OR2L13: variants seen among roughly 807,000 people sequenced by gnomAD.
OR2L13 encodes the protein olfactory receptor 2L13.
In OR2L13, 14 loss-of-function variants were observed where a neutral mutation model predicts 15.3. The observed-to-expected ratio is 0.91, with a 90% CI of 0.60 to 1.43. The LOEUF (loss-of-function observed/expected upper bound fraction) is 1.43. OR2L13 is among the 40% of genes most tolerant of loss of function. The pLI is 0.00. For synonymous variants in OR2L13, 152 were observed against 142.9 expected (o/e 1.06, Z -0.45); for missense variants, 367 against 387.9 (o/e 0.95, Z 0.45).
At chr1:248,092,657 A>C (rs534058404), upstream of OR2L13, among the ~76,000 whole-genome samples, 114 of 152,328 alleles carry the variant, frequency 7.5e-4, no homozygotes, top group African/African-American at 2.6e-3. Flanking sequence ...GGTTAAACCA[A>C]AACTTTATTG....
chr1:248,038,825 A>G, the OR2L13 span: 2 of 1,614,196 alleles, frequency 1.2e-6, no homozygotes, highest in African/African-American at 2.7e-5. Flanking sequence ...TGTTGACGCT[A>G]GCCTGCACAG....
At chr1:248,073,265 G>A in the OR2L13 span, among the ~76,000 whole-genome samples, 1 of 152,132 alleles carries the variant, frequency 6.6e-6, no homozygotes, top group Admixed American at 6.5e-5. Flanking sequence ...AGAAAATGTG[G>A]CACATATACA....
At chr1:247,955,550 T>A in the OR2L13 span, among the ~76,000 whole-genome samples, 1 of 152,204 alleles carries the variant, frequency 6.6e-6, no homozygotes, top group Non-Finnish European at 1.5e-5. Flanking sequence ...GTTGAACTAG[T>A]TTACAGTCCC....
chr1:248,004,916 C>T, the OR2L13 span, among the ~76,000 whole-genome samples: 4 of 152,152 alleles, frequency 2.6e-5, 1 homozygote, highest in South Asian at 4.2e-4. Context: ...GCACCAGGCA[C>T]AGAAAGATTC....
chr1:248,051,962 A>G, the OR2L13 span, among the ~76,000 whole-genome samples: 25,385 of 152,064 alleles, frequency 0.17, 2,424 homozygotes, highest in East Asian at 0.32. Flanking sequence ...ATACCTGGAC[A>G]TATGATGCTT....
the OR2L13 span, among the ~76,000 whole-genome samples, chr1:247,981,174 AAG>A: frequency 6.6e-6 from 1 of 152,168 alleles, no homozygotes; most frequent in African/African-American, 2.4e-5. Flanking sequence ...ATGTTCATGG[AAG>A]AGATGGGGCT....
the OR2L13 span, chr1:248,042,323 G>A: frequency 2.9e-5 from 4 of 138,422 alleles, no homozygotes; most frequent in Admixed American, 2.3e-4. Flanking sequence ...CATGGACACA[G>A]GAAGGGGAAC....
the OR2L13 span, among the ~76,000 whole-genome samples, chr1:248,068,479 A>G: frequency 6.6e-6 from 1 of 152,214 alleles, no homozygotes; most frequent in South Asian, 2.1e-4. Flanking sequence ...AAGGACATCC[A>G]CATCAAAAAC....
the OR2L13 span, among the ~76,000 whole-genome samples, chr1:247,986,594 G>T: frequency 6.6e-6 from 1 of 152,006 alleles, no homozygotes; most frequent in African/African-American, 2.4e-5. Flanking sequence ...TGGCAATGAG[G>T]ACTCTTTTTT....
chr1:247,975,036 A>G, the OR2L13 span: 1 of 323,770 alleles, frequency 3.1e-6, no homozygotes, highest in Non-Finnish European at 6.2e-6. Context: ...TGTGGAATTC[A>G]GAGTTTCTTC....
chr1:248,044,828 A>AC, the OR2L13 span, among the ~76,000 whole-genome samples: 3 of 148,412 alleles, frequency 2.0e-5, no homozygotes, highest in East Asian at 2.0e-4. Context: ...AAAAAAAAAA[A>AC]AAAAAAAAAA....
chr1:248,001,728 A>G, the OR2L13 span, among the ~76,000 whole-genome samples: 1 of 152,016 alleles, frequency 6.6e-6, no homozygotes, highest in Admixed American at 6.6e-5. Flanking sequence ...AATATTATAT[A>G]ATAGGACATT....
At chr1:248,081,707 C>T in the OR2L13 span, among the ~76,000 whole-genome samples, 18 of 152,246 alleles carry the variant, frequency 1.2e-4, no homozygotes, top group South Asian at 1.7e-3. Context: ...AACTTTTAGT[C>T]TTAAACAAAT....
chr1:247,981,854 C>A, the OR2L13 span, among the ~76,000 whole-genome samples: 2 of 150,396 alleles, frequency 1.3e-5, no homozygotes, highest in Admixed American at 6.6e-5. Flanking sequence ...CTCGCTCTGT[C>A]GCCCAGGCTG....
chr1:247,994,338 A>G, the OR2L13 span, among the ~76,000 whole-genome samples: 2 of 152,192 alleles, frequency 1.3e-5, no homozygotes, highest in African/African-American at 2.4e-5. Flanking sequence ...CGGAGCTTGC[A>G]GTGAGCTGAT....
chr1:247,994,905 G>A, the OR2L13 span, among the ~76,000 whole-genome samples: 1 of 152,086 alleles, frequency 6.6e-6, no homozygotes, highest in African/African-American at 2.4e-5. Context: ...CACTCAATCA[G>A]ACTGACTTGA....
chr1:248,067,858 C>T, the OR2L13 span, among the ~76,000 whole-genome samples: 7 of 151,944 alleles, frequency 4.6e-5, no homozygotes, highest in South Asian at 2.1e-4. Flanking sequence ...ACACCTGGCT[C>T]GGAGGGTCCC....
At chr1:248,100,103 A>G (rs570045436) in exon 3 of OR2L13, 1 of 1,614,078 alleles carries the variant, frequency 6.2e-7, no homozygotes, top group South Asian at 1.1e-5. Context: ...ATTTCAACAC[A>G]TTTAACTGTA....
At chr1:247,997,375 G>GA in the OR2L13 span, among the ~76,000 whole-genome samples, 1 of 152,042 alleles carries the variant, frequency 6.6e-6, no homozygotes, top group Non-Finnish European at 1.5e-5. Flanking sequence ...TTTAATAGGA[G>GA]AAAATCACTT....
Sources: allele counts gnomAD v4.1 joint callset (sites outside exome capture counted in the v4.1 genomes callset), GRCh38; gene constraint gnomAD v4.1.1; transcripts MANE v1.5; gene names NCBI Gene and HGNC (gene_info 2026-07-23, HGNC 2026-07-21).